The following RAPGEF5 variants were observed in gnomAD, a reference collection of about 807,000 sequenced individuals.
The protein encoded by RAPGEF5 is M-Ras-regulated GEF.
A neutral mutation model predicts 125.2 loss-of-function variants in RAPGEF5; 65 were observed. The ratio of observed to expected loss-of-function variants is 0.52; its 90% CI spans 0.43 to 0.64. RAPGEF5 has a LOEUF of 0.64. Among genes scored for constraint, RAPGEF5 ranks in the 30% least tolerant of loss-of-function variants. RAPGEF5 has a pLI of 0.00. For missense variants in RAPGEF5, 958 were observed against 1,048.1 expected (o/e 0.91, Z 1.19); for synonymous variants, 391 against 385.9 (o/e 1.01, Z -0.16).
At chr7:22,176,236 T>A (rs567582981) in intron 11 of RAPGEF5, among the ~76,000 whole-genome samples, 1 of 152,158 alleles carries the variant, frequency 6.6e-6, no homozygotes, top group Non-Finnish European at 1.5e-5. Flanking sequence ...ACTTGCCCCA[T>A]GATTCAATTC....
intron 7 of RAPGEF5, among the ~76,000 whole-genome samples, chr7:22,244,562 C>A (rs553756800): frequency 8.5e-5 from 13 of 152,186 alleles, no homozygotes; most frequent in South Asian, 8.3e-4. Context: ...CAGATGGAAT[C>A]ATCTAGTTGC....
intron 11 of RAPGEF5, among the ~76,000 whole-genome samples, chr7:22,186,652 A>C (rs1331197274): frequency 6.6e-6 from 1 of 152,242 alleles, no homozygotes; most frequent in East Asian, 1.9e-4. Flanking sequence ...AAGATATTTA[A>C]AGGAATTAAA....
chr7:22,223,590 C>T (rs1479666522), intron 8 of RAPGEF5, among the ~76,000 whole-genome samples: 2 of 151,950 alleles, frequency 1.3e-5, no homozygotes, highest in Non-Finnish European at 2.9e-5. Flanking sequence ...TTTGATGATG[C>T]AGGAGGGAGA....
intron 21 of RAPGEF5, 136 bp from the exon 22 acceptor site, chr7:22,137,119 C>A (rs914748918): frequency 4.6e-6 from 3 of 655,200 alleles, no homozygotes; most frequent in Admixed American, 2.8e-5. Flanking sequence ...CTGTTCAATC[C>A]TGATTGCTTC....
chr7:22,215,943 T>C (rs946719901), intron 9 of RAPGEF5, among the ~76,000 whole-genome samples: 7 of 152,226 alleles, frequency 4.6e-5, no homozygotes, highest in African/African-American at 1.2e-4. Flanking sequence ...ATGGCTTACA[T>C]AGCTTTTTGG....
intron 7 of RAPGEF5, among the ~76,000 whole-genome samples, chr7:22,249,496 T>C (rs1030084350): frequency 6.6e-6 from 1 of 152,110 alleles, no homozygotes; most frequent in Non-Finnish European, 1.5e-5. Context: ...CACCTTATCC[T>C]TTAAACTAGT....
intron 6 of RAPGEF5, among the ~76,000 whole-genome samples, chr7:22,290,671 G>T (rs945244991): frequency 6.6e-6 from 1 of 150,932 alleles, no homozygotes; most frequent in African/African-American, 2.4e-5. Context: ...CGTGAACCCG[G>T]GAGGCGGAGC....
chr7:22,241,022 T>C (rs1256605181), intron 7 of RAPGEF5, among the ~76,000 whole-genome samples: 2 of 152,216 alleles, frequency 1.3e-5, no homozygotes, highest in Admixed American at 6.5e-5. Context: ...AATGAGCCTC[T>C]AGAAGTCACT....
chr7:22,175,937 G>T (rs1397719860), intron 11 of RAPGEF5, among the ~76,000 whole-genome samples: 1 of 151,964 alleles, frequency 6.6e-6, no homozygotes, highest in Non-Finnish European at 1.5e-5. Flanking sequence ...TTAAATTTCA[G>T]AAAAATAACA....
chr7:22,302,505 G>C (rs1485453854), intron 5 of RAPGEF5, among the ~76,000 whole-genome samples: 2 of 152,038 alleles, frequency 1.3e-5, no homozygotes, highest in Non-Finnish European at 2.9e-5. Context: ...TATATCTCAG[G>C]GGCACAAAGG....
In RAPGEF5 at chr7:22,312,150, G is replaced by A. The variant is rs142708821; in HGVS notation, c.390-2060C>T. On this transcript the variant is annotated intron_variant, in intron 3 of 25. Transcript: ENST00000665637. ...AACTCTGCTTAGGAGTCACCTGGGT[G>A]ATCTTCTTAAAGTATAGATTCTGAT... is the stretch of plus-strand genomic sequence containing the variant. 1.8e-3 allele frequency among the ~76,000 whole-genome samples: 268 copies of A among 152,106 alleles called. 2 individuals carry two copies. Among genetic ancestry groups the A allele is most frequent in the African/African-American group, 6.3e-3 (260 of 41,522 alleles).
At position 22,145,190 on chromosome 7, in the gene RAPGEF5, C is replaced by T. The variant is rs755763931; in HGVS notation, c.2040G>A (p.Gln680=). The change falls in exon 20 of 26, where the codon CAG becomes CAA. Residue 680 remains glutamine, a synonymous_variant. Coordinates refer to ENST00000665637, the MANE Select transcript of RAPGEF5 (RefSeq NM_012294.5). Reference sequence around the variant, plus strand: ...GATTTGCAGTGTGTTCCCCACTTCCCTGTCTGCTGAACGTGAAGTAGATCA... The same window carrying T: ...GATTTGCAGTGTGTTCCCCACTTCCTTGTCTGCTGAACGTGAAGTAGATCA... The part of the protein sequence containing the change: ...QELIYFTFSR[Q]GSGEHTANLS... 6.2e-7 allele frequency: 1 copy of T among 1,613,076 alleles called. No individual in the cohort carries two copies.
chr7:22,344,986 G>T (rs1472011128), intron 1 of RAPGEF5, among the ~76,000 whole-genome samples: 1 of 152,202 alleles, frequency 6.6e-6, no homozygotes, highest in East Asian at 1.9e-4. Context: ...TGTGGTCTGT[G>T]GATGCAGCAA....
chr7:22,278,583 A>G (rs1242949488), intron 6 of RAPGEF5, among the ~76,000 whole-genome samples: 1 of 151,988 alleles, frequency 6.6e-6, no homozygotes, highest in Non-Finnish European at 1.5e-5. Flanking sequence ...ACATGATGCT[A>G]ATTATTAGCT....
intron 5 of RAPGEF5, among the ~76,000 whole-genome samples, chr7:22,303,035 G>A (rs1372583072): frequency 6.6e-6 from 1 of 152,160 alleles, no homozygotes; most frequent in African/African-American, 2.4e-5. Flanking sequence ...GGCAAGCTGG[G>A]AGCTGCTATA....
intron 7 of RAPGEF5, among the ~76,000 whole-genome samples, chr7:22,257,368 T>C (rs1164606095): frequency 2.6e-5 from 4 of 152,246 alleles, no homozygotes; most frequent in African/African-American, 9.6e-5. Context: ...TGGTTCTGCG[T>C]TTGATCACCT....
At chr7:22,172,120 T>C (rs1784368184) in intron 11 of RAPGEF5, among the ~76,000 whole-genome samples, 1 of 152,254 alleles carries the variant, frequency 6.6e-6, no homozygotes, top group African/African-American at 2.4e-5. Context: ...GCTACTATTT[T>C]AATTTTTGGG....
chr7:22,267,332 C>T (rs79600907), intron 6 of RAPGEF5, among the ~76,000 whole-genome samples: 3,069 of 152,012 alleles, frequency 0.02, 98 homozygotes, highest in African/African-American at 0.07. Flanking sequence ...AGATATAATG[C>T]AATTATGAAT....
chr7:22,192,079 T>C (rs1785013459), intron 11 of RAPGEF5: 1 of 161,518 alleles, frequency 6.2e-6, no homozygotes, highest in Non-Finnish European at 1.4e-5. Context: ...CCTTCCATGA[T>C]GATTACATTT....
Sources: gnomAD v4.1 joint callset for allele counts (sites outside exome capture counted in the v4.1 genomes callset) on GRCh38, gnomAD v4.1.1 for gene constraint, MANE v1.5 for transcripts, NCBI Gene and HGNC (gene_info 2026-07-23, HGNC 2026-07-21) for gene names.